The following SERPINE3 variants were observed in gnomAD, a reference collection of about 807,000 sequenced individuals.
SERPINE3 encodes serpin E3.
SERPINE3 carries 43 observed loss-of-function variants against 41.7 expected under a neutral mutation model. That is an observed-to-expected ratio of 1.03 (90% CI 0.81 to 1.33). SERPINE3 has a LOEUF of 1.33. Among genes scored for constraint, SERPINE3 ranks in the 40% most tolerant of loss-of-function variants. SERPINE3 has a pLI of 0.00. For missense variants in SERPINE3, 440 were observed against 491.7 expected (o/e 0.89, Z 0.99); for synonymous variants, 200 against 192.2 (o/e 1.04, Z -0.34).
intron 7 of SERPINE3, among the ~76,000 whole-genome samples, chr13:51,356,448 G>A (rs568104880): frequency 3.9e-5 from 6 of 152,318 alleles, no homozygotes; most frequent in Non-Finnish European, 8.8e-5. Context: ...TGCAACTCCA[G>A]AGCTCAGCCA....
chr13:51,354,433 CATTAAAT>C (rs1955449229), intron 6 of SERPINE3: 1 of 151,930 alleles, frequency 6.6e-6, no homozygotes, highest in South Asian at 2.1e-4. Context: ...TGTAAGCACT[CATTAAAT>C]ATTAATTTTT....
chr13:51,358,906 C>T (rs1473438370), intron 7 of SERPINE3, among the ~76,000 whole-genome samples: 1 of 152,054 alleles, frequency 6.6e-6, no homozygotes, highest in Non-Finnish European at 1.5e-5. Context: ...TCCTGTAAAT[C>T]TGGGACAGAG....
intron 6 of SERPINE3, among the ~76,000 whole-genome samples, chr13:51,352,628 T>C (rs1051364410): frequency 6.6e-6 from 1 of 152,108 alleles, no homozygotes; most frequent in Admixed American, 6.5e-5. Flanking sequence ...CCATGTGAAA[T>C]AGAAGGGGTC....
intron 6 of SERPINE3, among the ~76,000 whole-genome samples, chr13:51,352,461 G>A (rs948547015): frequency 6.6e-6 from 1 of 151,256 alleles, no homozygotes; most frequent in African/African-American, 2.4e-5. Context: ...TCATTTATTA[G>A]CTCTGATAGG....
At chr13:51,345,180 A>C (rs1955333508) in intron 4 of SERPINE3, among the ~76,000 whole-genome samples, 2 of 152,150 alleles carry the variant, frequency 1.3e-5, no homozygotes, top group South Asian at 4.1e-4. Flanking sequence ...TACTCTCCCC[A>C]TTCTATAAAT....
At position 51,355,101 on chromosome 13, in the gene SERPINE3, G is replaced by C. The variant is rs574559050; in HGVS notation, c.958G>C (p.Asp320His). Residue 320 changes from aspartate to histidine, a missense_variant, in exon 7 of 10, where the codon GAT becomes CAT. Coordinates refer to ENST00000681248, the MANE Select transcript of SERPINE3 (RefSeq NM_001386375.1). ...CATTTTAAATTCTTGGGGAGTCACC[G>C]ATCTTTTTGATCCACTCAAAGCTAA... ...KSILNSWGVT[D>H]LFDPLKANLK... is the part of the protein sequence containing the mutation. 6.5e-7 allele frequency: 1 copy of C among 1,549,240 alleles called. No homozygotes were observed. Among genetic ancestry groups the C allele is most frequent in the African/African-American group, 1.4e-5 (1 of 73,406 alleles).
rs1383446047 is a variant in SERPINE3, at chr13:51,344,395, TG to T, written c.403del (p.Ala135LeufsTer55). 6.2e-7 allele frequency: 1 copy of T among 1,612,406 alleles called. No homozygotes were observed. On this transcript the variant is annotated frameshift_variant, in exon 4 of 10. Transcript: ENST00000681248. LOFTEE classifies it high-confidence loss of function. ...CTGCTTTGTGGAGCACGTCTCCTGG[TG>T]GGCTAACAGCAGCCTGGAACCAGCC... ...SPCFVEHVSW[W>X]ANSSLEPADL...
chr13:51,345,422 G>A (rs150547419), intron 4 of SERPINE3, among the ~76,000 whole-genome samples: 3,002 of 151,952 alleles, frequency 0.02, 103 homozygotes, highest in African/African-American at 0.069. Context: ...GTGAAACCCC[G>A]TCTCTACTAA....
chr13:51,350,326 C>T (rs1033343249), intron 6 of SERPINE3, among the ~76,000 whole-genome samples: 6 of 151,978 alleles, frequency 3.9e-5, no homozygotes, highest in African/African-American at 9.7e-5. Flanking sequence ...TCATGAGGGA[C>T]GCTTAGCATA....
intron 7 of SERPINE3, among the ~76,000 whole-genome samples, chr13:51,357,545 C>G (rs1955498833): frequency 6.6e-6 from 1 of 152,120 alleles, no homozygotes; most frequent in South Asian, 2.1e-4. Flanking sequence ...TCATTTTACT[C>G]AAATTCTCTT....
intron 9 of SERPINE3, 183 bp downstream of exon 9, chr13:51,362,076 G>T: frequency 6.5e-7 from 1 of 1,547,734 alleles, no homozygotes. Flanking sequence ...AAGTACAAAG[G>T]AAACTTATCC....
At position 51,355,121 on chromosome 13, in the gene SERPINE3, AG is replaced by A. The variant is rs1229826094; in HGVS notation, c.979del (p.Ala327LeufsTer3). Reference sequence around the variant, plus strand: ...TCACCGATCTTTTTGATCCACTCAAAGCTAACTTGAAAGGAATTTCAGGTAA... The same window carrying A: ...TCACCGATCTTTTTGATCCACTCAAACTAACTTGAAAGGAATTTCAGGTAA... ...GVTDLFDPLK[A>X]NLKGISGQDG... On this transcript the variant is annotated frameshift_variant, in exon 7 of 10. Coordinates refer to ENST00000681248, the MANE Select transcript of SERPINE3 (RefSeq NM_001386375.1). LOFTEE classifies it high-confidence loss of function. The A allele has an allele frequency of 6.5e-7, 1 of 1,537,430 alleles. No individual in the cohort carries two copies.
chr13:51,364,265 T>G lies in SERPINE3; in HGVS notation c.1198T>G (p.Ser400Ala), dbSNP rs1474085910. 6 of 1,479,324 alleles carry G rather than the reference T, an allele frequency of 4.1e-6. No homozygotes were observed. In the Admixed American group the frequency reaches 8.1e-5, roughly 20 times the overall value. The allele number at this position is 1,479,324 out of a possible 1,614,324, so 91.6% of individuals were successfully genotyped here. The change falls in exon 10 of 10, where the codon TCA (serine) becomes GCA (alanine). Residue 400 changes from serine (S) to alanine (A), a missense_variant. By Grantham distance (99) the Ser-to-Ala change is moderately conservative. Coordinates refer to ENST00000681248, the MANE Select transcript of SERPINE3 (RefSeq NM_001386375.1). ...GTTTGTCTTCAGTATTGGGAGAGTT[T>G]CAAATCCCCTAGACTAAATGCATGT... ...TGFVFSIGRVSNPLD is the reference protein window; with the variant it reads ...TGFVFSIGRVANPLD
At chr13:51,350,510 A>C (rs1955394060) in intron 6 of SERPINE3, among the ~76,000 whole-genome samples, 1 of 152,170 alleles carries the variant, frequency 6.6e-6, no homozygotes, top group Non-Finnish European at 1.5e-5. Flanking sequence ...ATTAGATATA[A>C]TATATATCTT....
At chr13:51,344,604 G>A (rs1274442896) in intron 4 of SERPINE3, 119 bp downstream of exon 4, 4 of 764,172 alleles carry the variant, frequency 5.2e-6, no homozygotes, top group African/African-American at 3.5e-5. Flanking sequence ...GCAGAAGTCT[G>A]TCCTCTTAGG....
At chr13:51,352,540 T>G (rs1955415816) in intron 6 of SERPINE3, among the ~76,000 whole-genome samples, 1 of 152,014 alleles carries the variant, frequency 6.6e-6, no homozygotes, top group Non-Finnish European at 1.5e-5. Context: ...TGAATAGAGA[T>G]AGATTTACTT....
rs767357867 is a variant in SERPINE3, at chr13:51,355,152, G to A, written c.1000+9G>A. 61 of 1,407,056 alleles carry A rather than the reference G, an allele frequency of 4.3e-5. No homozygotes were observed. Among genetic ancestry groups the A allele is most frequent in the East Asian group, 9.9e-5 (4 of 40,276 alleles). 87.2% of individuals were successfully genotyped at this position (1,407,056 alleles called of 1,614,324 possible). ...CTTGAAAGGAATTTCAGGTAAAAAC[G>A]GTTCTTCTTCCAAACGTTCTAGCCG... On this transcript the variant is annotated intron_variant, in intron 7 of 9. Coordinates refer to ENST00000681248, the MANE Select transcript of SERPINE3 (RefSeq NM_001386375.1).
At chr13:51,341,905 T>C (rs1386176920) in intron 3 of SERPINE3, among the ~76,000 whole-genome samples, 1 of 152,214 alleles carries the variant, frequency 6.6e-6, no homozygotes, top group Non-Finnish European at 1.5e-5. Context: ...TAAGAGCCCA[T>C]GCTTTTGACC....
intron 3 of SERPINE3, 24 bp from the exon 4 acceptor site, chr13:51,344,228 C>A: frequency 6.3e-7 from 1 of 1,588,852 alleles, no homozygotes; most frequent in Non-Finnish European, 8.6e-7. Context: ...CCATTGTCAA[C>A]TTATCCCAAC....
Sources: allele counts gnomAD v4.1 joint callset (sites outside exome capture counted in the v4.1 genomes callset), GRCh38; gene constraint gnomAD v4.1.1; transcripts MANE v1.5; gene names NCBI Gene and HGNC (gene_info 2026-07-23, HGNC 2026-07-21).